TTC6: variants seen among roughly 807,000 people sequenced by gnomAD.
TTC6 encodes tetratricopeptide repeat domain 6, also known as tetratricopeptide repeat protein 6.
Under a neutral mutation model 210.4 loss-of-function variants are expected in TTC6, and 172 were observed. That is an observed-to-expected ratio of 0.82 (90% CI 0.72 to 0.93). TTC6 has a LOEUF of 0.93. Among genes scored for constraint, TTC6 ranks in the 40% least tolerant of loss-of-function variants. TTC6 has a pLI of 0.00. For synonymous variants in TTC6, 804 were observed against 819.6 expected (o/e 0.98, Z 0.32); for missense variants, 2,414 against 2,318.1 (o/e 1.04, Z -0.85).
chr14:37,836,291 C>A (rs2096197723), intron 29 of TTC6, among the ~76,000 whole-genome samples: 1 of 152,136 alleles, frequency 6.6e-6, no homozygotes, highest in African/African-American at 2.4e-5. Flanking sequence ...GCTCAAAGAT[C>A]AATTGTCTCT....
At chr14:37,649,398 A>G (rs111614139) in intron 1 of TTC6, among the ~76,000 whole-genome samples, 1,565 of 152,250 alleles carry the variant, frequency 0.01, 12 homozygotes, top group Middle Eastern at 0.044. Flanking sequence ...GGAGCTGGGT[A>G]TAAGCCCCTA....
intron 1 of TTC6, among the ~76,000 whole-genome samples, chr14:37,639,682 G>A (rs1183401953): frequency 1.4e-5 from 2 of 145,732 alleles, no homozygotes. Context: ...ACCAGCCTGG[G>A]CAACATGGCT....
intron 29 of TTC6, among the ~76,000 whole-genome samples, chr14:37,831,477 G>A (rs1030605537): frequency 2.0e-5 from 3 of 151,998 alleles, no homozygotes; most frequent in South Asian, 2.1e-4. Flanking sequence ...TAGTTCTATT[G>A]TTTTGAGGAA....
intron 7 of TTC6, among the ~76,000 whole-genome samples, chr14:37,730,073 C>G (rs1428684739): frequency 6.6e-6 from 1 of 152,136 alleles, no homozygotes; most frequent in Admixed American, 6.5e-5. Context: ...AAAGATAGCT[C>G]AAGCTCACCT....
At chr14:37,682,898 A>G (rs1329287628) in exon 3 of TTC6, 2 of 1,535,606 alleles carry the variant, frequency 1.3e-6, no homozygotes, top group South Asian at 1.2e-5. Flanking sequence ...CAGAGGAATT[A>G]AGTAAACCTT....
At chr14:37,827,521 A>C (rs2139516299) in intron 29 of TTC6, among the ~76,000 whole-genome samples, 155 bp downstream of exon 31, 1 of 152,144 alleles carries the variant, frequency 6.6e-6, no homozygotes, top group Non-Finnish European at 1.5e-5. Flanking sequence ...AATGTTTATA[A>C]TTTATCCATT....
In TTC6 at chr14:37,723,995, A is replaced by C. The variant is rs978718179; in HGVS notation, c.1714-903A>C. ...TAATGTCATGTAGCCACAATTCCAGATCATACAGAAGAGTTTCACATCCCT... is the reference window on the plus strand; with the variant it reads ...TAATGTCATGTAGCCACAATTCCAGCTCATACAGAAGAGTTTCACATCCCT... On this transcript the variant is annotated intron_variant, in intron 6 of 30. Transcript: ENST00000553443. Among the ~76,000 whole-genome samples the C allele has an allele frequency of 2.0e-5, 3 of 152,040 alleles. No individual in the cohort carries two copies. The East Asian group carries it at 5.8e-4, about 29-fold the overall frequency.
rs1330072725 is a variant in TTC6, at chr14:37,807,532, CACTT to C, written c.4455+77_4455+80del. The C allele has an allele frequency of 1.2e-5, 15 of 1,302,348 alleles. No individual in the cohort carries two copies. The South Asian group carries it at 1.8e-4, about 15-fold the overall frequency. The allele number at this position is 1,302,348 out of a possible 1,614,324, so 80.7% of individuals were successfully genotyped here. A position where few individuals can be genotyped will look rare whatever the true frequency, so the allele number is the denominator to read the frequency against. On this transcript the variant is annotated intron_variant, in intron 23 of 30. Transcript: ENST00000553443. ...ATTCTCTTATGCTAGGCAGGGGACTCACTTACTTTTTTTCTATGTGGTTGGGAAT... is the reference window on the plus strand; with the variant it reads ...ATTCTCTTATGCTAGGCAGGGGACTCACTTTTTTTCTATGTGGTTGGGAAT...
chr14:37,681,775 A>G (rs2095784237), intron 2 of TTC6, among the ~76,000 whole-genome samples: 1 of 152,060 alleles, frequency 6.6e-6, no homozygotes, highest in Non-Finnish European at 1.5e-5. Context: ...AAAATTTTGG[A>G]CTTGGACCGA....
At chr14:37,837,811 A>G (rs191816629) in intron 29 of TTC6, among the ~76,000 whole-genome samples, 45 of 152,328 alleles carry the variant, frequency 3.0e-4, no homozygotes, top group Non-Finnish European at 4.7e-4. Context: ...GCTCCCAGCC[A>G]CTGTGCAATC....
At chr14:37,634,883 A>G (rs2095677078) in intron 1 of TTC6, among the ~76,000 whole-genome samples, 1 of 152,232 alleles carries the variant, frequency 6.6e-6, no homozygotes, top group Admixed American at 6.5e-5. Context: ...ATAATTTCCT[A>G]AGAATGAAGG....
chr14:37,639,267 A>G (rs1269130238), intron 1 of TTC6, among the ~76,000 whole-genome samples: 1 of 152,228 alleles, frequency 6.6e-6, no homozygotes, highest in Non-Finnish European at 1.5e-5. Flanking sequence ...ATCTGGGCAG[A>G]GAAAAGCAAT....
At chr14:37,680,526 T>A (rs183221121) in intron 2 of TTC6, among the ~76,000 whole-genome samples, 116 of 152,240 alleles carry the variant, frequency 7.6e-4, no homozygotes, top group African/African-American at 2.8e-3. Context: ...TAGAGACATT[T>A]AGATCTAGAA....
chr14:37,622,836 G>T (rs1298213289), exon 1 of TTC6: 2 of 1,533,984 alleles, frequency 1.3e-6, no homozygotes, highest in East Asian at 2.4e-5. Flanking sequence ...GCCGCCCAGC[G>T]ACGCGCGGGA....
chr14:37,702,332 CT>C (rs1213847949), intron 5 of TTC6, among the ~76,000 whole-genome samples: 1 of 152,122 alleles, frequency 6.6e-6, no homozygotes, highest in East Asian at 1.9e-4. Flanking sequence ...AATTTTAAGG[CT>C]TTTTTTCTTC....
intron 15 of TTC6, among the ~76,000 whole-genome samples, chr14:37,789,596 T>TTA (rs1283814571): frequency 0.15 from 20,782 of 134,196 alleles, 1,995 homozygotes; most frequent in African/African-American, 0.29. Context: ...TGGTTTCCTC[T>TTA]TATATATATA....
chr14:37,753,826 A>G (rs1034862341), intron 14 of TTC6, among the ~76,000 whole-genome samples: 1 of 145,170 alleles, frequency 6.9e-6, no homozygotes, highest in Non-Finnish European at 1.5e-5. Flanking sequence ...GGGATGTACT[A>G]TTTTATTGTA....
intron 6 of TTC6, among the ~76,000 whole-genome samples, chr14:37,721,353 G>A (rs2138805826): frequency 6.6e-6 from 1 of 152,206 alleles, no homozygotes; most frequent in East Asian, 1.9e-4. Flanking sequence ...ACACATTTCA[G>A]TATAATACAC....
intron 1 of TTC6, among the ~76,000 whole-genome samples, chr14:37,658,054 A>G (rs544530312): frequency 5.1e-4 from 77 of 152,334 alleles, no homozygotes; most frequent in African/African-American, 1.9e-3. Flanking sequence ...TTGAACCAGG[A>G]GACAAAATCA....
Sources: gnomAD v4.1 joint callset for allele counts (sites outside exome capture counted in the v4.1 genomes callset) on GRCh38, gnomAD v4.1.1 for gene constraint, MANE v1.5 for transcripts, NCBI Gene and HGNC (gene_info 2026-07-23, HGNC 2026-07-21) for gene names.